The following DRAM1 variants were observed in gnomAD, a reference collection of about 807,000 sequenced individuals.
DRAM1 encodes the protein DNA damage-regulated autophagy modulator protein 1.
In DRAM1, 25 loss-of-function variants were observed where a neutral mutation model predicts 28.5. The ratio of observed to expected loss-of-function variants is 0.88; its 90% CI spans 0.64 to 1.23. DRAM1 has a LOEUF of 1.23. DRAM1 is among the 50% of genes most tolerant of loss of function. The pLI, the probability that DRAM1 is intolerant of heterozygous loss-of-function variation, is 0.00. For missense variants in DRAM1, 249 were observed against 299.2 expected (o/e 0.83, Z 1.24); for synonymous variants, 113 against 114.2 (o/e 0.99, Z 0.07).
chr12:101,901,260 G>T, intron 2 of DRAM1, 31 bp from the exon 3 acceptor site: 1 of 1,596,656 alleles, frequency 6.3e-7, no homozygotes, highest in South Asian at 1.1e-5. Flanking sequence ...ATCAAATTAT[G>T]AACATTCATC....
intron 1 of DRAM1, among the ~76,000 whole-genome samples, chr12:101,893,330 CG>C (rs1193500910): frequency 6.6e-6 from 1 of 152,070 alleles, no homozygotes; most frequent in African/African-American, 2.4e-5. Context: ...TTATTTATTT[CG>C]TTTTTTTGTT....
Position 101,920,120 on chromosome 12 carries a change from T to C in DRAM1, c.591T>C (p.Tyr197=), listed in dbSNP as rs368205301. 3.3e-5 allele frequency: 53 copies of C among 1,605,200 alleles called. 1 individual carries two copies. In the African/African-American group the frequency reaches 6.2e-4, roughly 19 times the overall value. The change falls in exon 6 of 7, where the codon TAT becomes TAC. Residue 197 remains tyrosine (Y), a synonymous_variant. Transcript: ENST00000258534. Reference sequence around the variant, plus strand: ...TATTATTGCATTAGGATTATGTATATCACGTAGTGAGTGCGATCTGTGAAT... The same window carrying C: ...TATTATTGCATTAGGATTATGTATACCACGTAGTGAGTGCGATCTGTGAAT... ...EWNPREKDYV[Y]HVVSAICEWT...
intron 3 of DRAM1, among the ~76,000 whole-genome samples, chr12:101,906,866 A>G (rs558508662): frequency 7.0e-6 from 1 of 142,320 alleles, no homozygotes; most frequent in African/African-American, 3.0e-5. Context: ...AAAAAAAAAA[A>G]AAAAAAAGAA....
intron 4 of DRAM1, among the ~76,000 whole-genome samples, 195 bp from the exon 5 acceptor site, chr12:101,913,979 G>A (rs1874140636): frequency 6.6e-6 from 1 of 152,128 alleles, no homozygotes; most frequent in Admixed American, 6.5e-5. Context: ...TGAATTTGAA[G>A]TTTGAGTTTA....
At chr12:101,913,705 C>CAAA (rs60536139) in intron 4 of DRAM1, among the ~76,000 whole-genome samples, 18 of 50,126 alleles carry the variant, frequency 3.6e-4, no homozygotes, top group Middle Eastern at 0.01. Context: ...GAGTACGTCT[C>CAAA]AAAAAAAAAA....
intron 5 of DRAM1, among the ~76,000 whole-genome samples, chr12:101,915,257 G>A (rs1215171464): frequency 1.3e-5 from 2 of 152,126 alleles, no homozygotes; most frequent in East Asian, 3.9e-4. Flanking sequence ...GGGATTACAG[G>A]TGTGAGCCAC....
chr12:101,892,838 G>A (rs756347041), intron 1 of DRAM1, among the ~76,000 whole-genome samples: 1 of 152,066 alleles, frequency 6.6e-6, no homozygotes, highest in African/African-American at 2.4e-5. Context: ...GACTCAGATT[G>A]TATCTAACAA....
chr12:101,914,297 G>A, intron 5 of DRAM1, 65 bp downstream of exon 5: 2 of 1,303,824 alleles, frequency 1.5e-6, no homozygotes, highest in East Asian at 2.4e-5. Context: ...GGCCAGGCTA[G>A]GCATAGGGAA....
chr12:101,900,819 T>C (rs1003391841), intron 2 of DRAM1, among the ~76,000 whole-genome samples: 10 of 152,172 alleles, frequency 6.6e-5, no homozygotes, highest in South Asian at 6.2e-4. Context: ...CCCAAAGATT[T>C]ATATACAAGG....
At position 101,883,792 on chromosome 12, in the gene DRAM1, T is replaced by C. The variant is rs998485507; in HGVS notation, c.131+5872T>C. Among the ~76,000 whole-genome samples the C allele has an allele frequency of 2.6e-5, 4 of 151,376 alleles. No homozygotes were observed. The East Asian group carries it at 7.9e-4, about 30-fold the overall frequency. On this transcript the variant is annotated intron_variant, in intron 1 of 6. Transcript: ENST00000258534. ...CTCTACTAAAAATACAAAAATTAGC[T>C]GGGCATGGTGGCATGTGCCTGTAGT...
chr12:101,909,538 G>A (rs911709611), intron 4 of DRAM1, among the ~76,000 whole-genome samples: 15 of 152,102 alleles, frequency 9.9e-5, no homozygotes, highest in African/African-American at 3.4e-4. Flanking sequence ...CTCCCTGCAC[G>A]TCGTAGGTGG....
At chr12:101,892,238 T>A (rs2252431) in intron 1 of DRAM1, among the ~76,000 whole-genome samples, 2 of 150,372 alleles carry the variant, frequency 1.3e-5, no homozygotes, top group African/African-American at 4.9e-5. Flanking sequence ...TTATTTTATT[T>A]TTTATTTTTT....
chr12:101,878,637 G>A (rs1027482227), intron 1 of DRAM1, among the ~76,000 whole-genome samples: 1 of 152,194 alleles, frequency 6.6e-6, no homozygotes, highest in African/African-American at 2.4e-5. Context: ...TTCCTGAGGG[G>A]CACTTCAGTG....
At chr12:101,878,811 G>C (rs933835079) in intron 1 of DRAM1, among the ~76,000 whole-genome samples, 1 of 152,038 alleles carries the variant, frequency 6.6e-6, no homozygotes, top group Non-Finnish European at 1.5e-5. Flanking sequence ...TGACACCCAA[G>C]GTTTGTTACT....
rs115387438 is a variant in DRAM1, at chr12:101,901,445, A to G, written c.342+12A>G. On this transcript the variant is annotated intron_variant, in intron 3 of 6. Coordinates refer to ENST00000258534, the MANE Select transcript of DRAM1 (RefSeq NM_018370.3). The stretch of plus-strand genomic sequence containing the variant: ...TCGCCAATTTTCAGGTATAATCTGG[A>G]GCTTTTTCAGTTATGAGGAGTGGTG... 4.5e-3 allele frequency: 7,305 copies of G among 1,613,240 alleles called. 295 individuals carry two copies. In the African/African-American group the frequency reaches 0.085, roughly 19 times the overall value.
rs397965756 is a variant in DRAM1 at position 101,907,199 on chromosome 12, C to CAAAAA, written c.343-972_343-968dup. 8.8e-4 allele frequency among the ~76,000 whole-genome samples: 75 copies of CAAAAA among 85,016 alleles called. 1 individual carries two copies. Among genetic ancestry groups the CAAAAA allele is most frequent in the African/African-American group, 2.3e-3 (50 of 21,710 alleles). 55.8% of individuals were successfully genotyped at this position (85,016 alleles called of 152,430 possible). ...TAAGCGACGGAGTGAGACCCTGTCT[C>CAAAAA]AAAAAAAAAAAAAAAAAAAGAAGAA... is the stretch of plus-strand genomic sequence containing the variant. On this transcript the variant is annotated intron_variant, in intron 3 of 6. Coordinates refer to ENST00000258534, the MANE Select transcript of DRAM1 (RefSeq NM_018370.3).
intron 1 of DRAM1, among the ~76,000 whole-genome samples, chr12:101,889,389 C>T (rs1277294603): frequency 2.0e-5 from 3 of 152,090 alleles, no homozygotes; most frequent in African/African-American, 2.4e-5. Flanking sequence ...AGTCCCCTCT[C>T]GTGAGAGAGC....
Position 101,897,460 on chromosome 12 carries a change from C to T in DRAM1, c.132-403C>T, listed in dbSNP as rs200948771. ...AGGTGATCCTCCCACCTCCACCTCC[C>T]AAAGTGCTGGGATTACAGGTGTGAG... On this transcript the variant is annotated intron_variant, in intron 1 of 6. Coordinates refer to ENST00000258534, the MANE Select transcript of DRAM1 (RefSeq NM_018370.3). Among the ~76,000 whole-genome samples, 2,868 of 152,178 alleles carry T rather than the reference C, an allele frequency of 0.019. 210 individuals are homozygous for T. The East Asian group carries it at 0.23, about 12-fold the overall frequency.
At chr12:101,914,298 G>A (rs1874150996) in intron 5 of DRAM1, 66 bp downstream of exon 5, 3 of 1,277,424 alleles carry the variant, frequency 2.3e-6, no homozygotes, top group Non-Finnish European at 3.3e-6. Flanking sequence ...GCCAGGCTAG[G>A]CATAGGGAAG....
Sources: gnomAD v4.1 joint callset for allele counts (sites outside exome capture counted in the v4.1 genomes callset) on GRCh38, gnomAD v4.1.1 for gene constraint, MANE v1.5 for transcripts, NCBI Gene and HGNC (gene_info 2026-07-23, HGNC 2026-07-21) for gene names.